The following FRMD3 variants were observed in gnomAD, a reference collection of about 807,000 sequenced individuals.
FRMD3 encodes the protein FERM domain containing 3.
A neutral mutation model predicts 70.2 loss-of-function variants in FRMD3; 33 were observed. The observed-to-expected ratio is 0.47, with a 90% CI of 0.36 to 0.63. The LOEUF (loss-of-function observed/expected upper bound fraction) is 0.63. Among genes scored for constraint, FRMD3 ranks in the 20% least tolerant of loss-of-function variants. The pLI, the probability that FRMD3 is intolerant of heterozygous loss-of-function variation, is 0.00. For missense variants in FRMD3, 632 were observed against 711.4 expected, an observed-to-expected ratio of 0.89 and a Z score of 1.27; for synonymous variants, 279 against 255.9, an observed-to-expected ratio of 1.09 and a Z score of -0.86.
At chr9:83,474,122 T>C (rs1389020735) in intron 1 of FRMD3, among the ~76,000 whole-genome samples, 1 of 152,124 alleles carries the variant, frequency 6.6e-6, no homozygotes, top group East Asian at 1.9e-4. Context: ...AAAAGTAACA[T>C]GAAAAACACT....
the FRMD3 span, among the ~76,000 whole-genome samples, chr9:83,547,796 A>T: frequency 6.6e-6 from 1 of 152,322 alleles, no homozygotes; most frequent in East Asian, 1.9e-4. Context: ...AAGCAACAAA[A>T]CAAGTCACAA....
intron 13 of FRMD3, among the ~76,000 whole-genome samples, chr9:83,285,471 A>G (rs1834168671): frequency 6.6e-6 from 1 of 152,126 alleles, no homozygotes; most frequent in Non-Finnish European, 1.5e-5. Flanking sequence ...TCATTTTACC[A>G]GTAAGGGGAA....
At chr9:83,309,270 A>T (rs1055804237) in intron 10 of FRMD3, among the ~76,000 whole-genome samples, 1 of 148,476 alleles carries the variant, frequency 6.7e-6, no homozygotes, top group Non-Finnish European at 1.5e-5. Context: ...ACACACACAC[A>T]CACACACACA....
chr9:83,423,595 T>C (rs1376263956), intron 1 of FRMD3, among the ~76,000 whole-genome samples: 1 of 132,316 alleles, frequency 7.6e-6, no homozygotes, highest in Non-Finnish European at 1.6e-5. Flanking sequence ...CTTTTTTTTT[T>C]TTTTTTTTTT....
chr9:83,541,399 A>G (rs1479741487), upstream of FRMD3, among the ~76,000 whole-genome samples: 4 of 152,248 alleles, frequency 2.6e-5, no homozygotes. Flanking sequence ...AGAAAAAGGA[A>G]ATTCCCTGGT....
At chr9:83,428,327 G>A (rs991834353) in intron 1 of FRMD3, among the ~76,000 whole-genome samples, 5 of 150,608 alleles carry the variant, frequency 3.3e-5, no homozygotes, top group South Asian at 2.1e-4. Flanking sequence ...GCAGTGAGCC[G>A]AGATCACACC....
At chr9:83,447,828 A>T (rs114599207) in intron 1 of FRMD3, among the ~76,000 whole-genome samples, 1 of 152,244 alleles carries the variant, frequency 6.6e-6, no homozygotes, top group Non-Finnish European at 1.5e-5. Flanking sequence ...AGTCACCTCA[A>T]ATAAAATATT....
chr9:83,523,992 C>T (rs1246039172), intron 1 of FRMD3, among the ~76,000 whole-genome samples: 2 of 152,206 alleles, frequency 1.3e-5, no homozygotes, highest in African/African-American at 4.8e-5. Flanking sequence ...AGTGTATTTT[C>T]CATCCCTACT....
downstream of FRMD3, chr9:83,244,477 A>AATC (rs1831993388): frequency 6.2e-6 from 1 of 160,244 alleles, no homozygotes; most frequent in African/African-American, 2.5e-5. Context: ...GGGTTAATCT[A>AATC]ATCTATTACC....
intron 3 of FRMD3, among the ~76,000 whole-genome samples, chr9:83,362,938 A>G (rs187204873): frequency 1.5e-5 from 1 of 66,806 alleles, no homozygotes; most frequent in Non-Finnish European, 3.0e-5. Context: ...TTTCCTCCCT[A>G]CTTCCTTGCT....
intron 13 of FRMD3, among the ~76,000 whole-genome samples, chr9:83,270,055 G>T (rs1195685196): frequency 6.6e-6 from 1 of 152,216 alleles, no homozygotes; most frequent in Non-Finnish European, 1.5e-5. Context: ...CCAAGCCAAA[G>T]ATTCTGCAGG....
chr9:83,340,571 T>A (rs147136405), intron 5 of FRMD3, among the ~76,000 whole-genome samples: 77 of 152,352 alleles, frequency 5.1e-4, no homozygotes, highest in African/African-American at 1.7e-3. Flanking sequence ...AGGAGATAAG[T>A]TGAATTCCTC....
chr9:83,286,664 C>T (rs558385237), intron 13 of FRMD3, among the ~76,000 whole-genome samples: 1 of 152,234 alleles, frequency 6.6e-6, no homozygotes, highest in African/African-American at 2.4e-5. Flanking sequence ...GCTCAAGCTG[C>T]TGATCTTGAA....
chr9:83,342,466 A>G (rs1294865163), intron 5 of FRMD3, among the ~76,000 whole-genome samples: 1 of 152,196 alleles, frequency 6.6e-6, no homozygotes, highest in Non-Finnish European at 1.5e-5. Flanking sequence ...ATAGATGAAG[A>G]AACTGAACCC....
chr9:83,469,474 T>A (rs1275766829), intron 1 of FRMD3, among the ~76,000 whole-genome samples: 1 of 152,116 alleles, frequency 6.6e-6, no homozygotes, highest in African/African-American at 2.4e-5. Flanking sequence ...AATGTCAAAG[T>A]CAAATGAGAG....
intron 2 of FRMD3, among the ~76,000 whole-genome samples, chr9:83,376,745 T>C (rs1042246555): frequency 6.6e-6 from 1 of 152,014 alleles, no homozygotes; most frequent in South Asian, 2.1e-4. Flanking sequence ...CTGGCTGTGC[T>C]ATATTCCTTT....
At chr9:83,384,079 T>C (rs1173703615) in intron 2 of FRMD3, among the ~76,000 whole-genome samples, 1 of 152,226 alleles carries the variant, frequency 6.6e-6, no homozygotes, top group Non-Finnish European at 1.5e-5. Context: ...CCTTTTAACC[T>C]GAGTGTCAAA....
At chr9:83,447,659 G>A (rs1396582546) in intron 1 of FRMD3, among the ~76,000 whole-genome samples, 1 of 152,146 alleles carries the variant, frequency 6.6e-6, no homozygotes, top group Non-Finnish European at 1.5e-5. Flanking sequence ...AGGCAGACAG[G>A]CCCAGGGAGG....
chr9:83,500,794 T>C (rs543911867), intron 1 of FRMD3, among the ~76,000 whole-genome samples: 2 of 152,300 alleles, frequency 1.3e-5, no homozygotes, highest in Non-Finnish European at 2.9e-5. Context: ...AATATGAGTT[T>C]GGAGGCGAGG....
Sources: allele counts gnomAD v4.1 joint callset (sites outside exome capture counted in the v4.1 genomes callset), GRCh38; gene constraint gnomAD v4.1.1; transcripts MANE v1.5; gene names NCBI Gene and HGNC (gene_info 2026-07-23, HGNC 2026-07-21).